Variants in SLC1A4 observed in about 807,000 individuals in gnomAD.
The protein encoded by SLC1A4 is solute carrier family 1 member 4.
Under a neutral mutation model 37.7 loss-of-function variants are expected in SLC1A4, and 19 were observed. The ratio of observed to expected loss-of-function variants is 0.50; its 90% CI spans 0.35 to 0.74. The LOEUF (loss-of-function observed/expected upper bound fraction) is 0.74. Among genes scored for constraint, SLC1A4 ranks in the 30% least tolerant of loss-of-function variants. The pLI is 0.01. For synonymous variants in SLC1A4, 299 were observed against 309.8 expected (o/e 0.97, Z 0.37); for missense variants, 570 against 712.9 (o/e 0.80, Z 2.28).
At chr2:64,998,029 T>G (rs564833880) in intron 1 of SLC1A4, among the ~76,000 whole-genome samples, 2 of 151,872 alleles carry the variant, frequency 1.3e-5, no homozygotes, top group Non-Finnish European at 2.9e-5. Context: ...GTCAGGAGAT[T>G]GAGATCATCC....
intron 1 of SLC1A4, among the ~76,000 whole-genome samples, chr2:64,991,297 T>C (rs1673040168): frequency 6.6e-6 from 1 of 151,598 alleles, no homozygotes; most frequent in Non-Finnish European, 1.5e-5. Context: ...AACAAAAATC[T>C]AGGACATCCG....
chr2:64,995,119 C>G (rs555762924), intron 1 of SLC1A4, among the ~76,000 whole-genome samples: 1 of 152,256 alleles, frequency 6.6e-6, no homozygotes, highest in African/African-American at 2.4e-5. Context: ...ATTTCTTTTA[C>G]CTCCCAGGAG....
chr2:64,988,655 G>A (rs7605525), upstream of SLC1A4: 23,144 of 152,306 alleles, frequency 0.15, 1,775 homozygotes, highest in East Asian at 0.22. Flanking sequence ...GAGCGCGTGC[G>A]AAGGCTCCCC....
chr2:65,013,658 G>A (rs565336250), intron 4 of SLC1A4, among the ~76,000 whole-genome samples: 1 of 152,324 alleles, frequency 6.6e-6, no homozygotes, highest in African/African-American at 2.4e-5. Context: ...CTGTTGCTCA[G>A]AAATGCATAT....
Position 65,016,556 on chromosome 2 carries a change from T to C in SLC1A4, c.917T>C (p.Val306Ala). ...KYIFASILGH[V>A]IHGGIVLPLI... Reference sequence around the variant, plus strand: ...ATCTTCGCATCTATATTGGGCCATGTTATTCATGGAGGAATTGTTCTGCCA... The same window carrying C: ...ATCTTCGCATCTATATTGGGCCATGCTATTCATGGAGGAATTGTTCTGCCA... The change falls in exon 5 of 8, where the codon GTT (valine) becomes GCT (alanine). Residue 306 changes from valine to alanine, a missense_variant. Val to Ala is a moderately conservative substitution (Grantham distance 64). Coordinates refer to ENST00000234256, the MANE Select transcript of SLC1A4 (RefSeq NM_003038.5). 2 of 1,614,038 alleles carry C rather than the reference T, an allele frequency of 1.2e-6. No homozygotes were observed. Among genetic ancestry groups the C allele is most frequent in the Non-Finnish European group, 1.7e-6 (2 of 1,179,870 alleles).
chr2:65,007,282 GTGTGTGTC>G (rs778034349), intron 3 of SLC1A4, among the ~76,000 whole-genome samples: 29 of 151,814 alleles, frequency 1.9e-4, no homozygotes, highest in Admixed American at 5.2e-4. Context: ...GTGTGTGTGT[GTGTGTGTC>G]TGTGGTGATG....
At chr2:65,009,264 T>C (rs1018828465) in intron 3 of SLC1A4, among the ~76,000 whole-genome samples, 1 of 151,886 alleles carries the variant, frequency 6.6e-6, no homozygotes, top group Non-Finnish European at 1.5e-5. Flanking sequence ...TCCCAGGTAC[T>C]TGGGAGGCTG....
In SLC1A4 at chr2:65,018,564, A is replaced by G; in HGVS notation, c.1249A>G (p.Ser417Gly). ...CCTTAGAGTGACTGCCACAGCGTCC[A>G]GTGTTGGAGCAGCAGGCGTGCCAGC... Reference protein sequence around the residue: ...FTILVTATASSVGAAGVPAGG... With the variant: ...FTILVTATASGVGAAGVPAGG... The change falls in exon 7 of 8, where the codon AGT becomes GGT. Residue 417 changes from serine (S) to glycine (G), a missense_variant. By Grantham distance (56) the Ser-to-Gly change is moderately conservative. Transcript: ENST00000234256. The surrounding 1 kb of genome is among the most constrained non-coding windows in gnomAD (Gnocchi z 4.3). 2 of 1,614,198 alleles carry G rather than the reference A, an allele frequency of 1.2e-6. No individual in the cohort carries two copies. The highest frequency in any genetic ancestry group is 1.7e-6 in the Non-Finnish European group (2 of 1,180,040).
chr2:65,004,054 A>G (rs1673581015), intron 3 of SLC1A4, 39 bp downstream of exon 3: 3 of 1,504,702 alleles, frequency 2.0e-6, no homozygotes, highest in Non-Finnish European at 2.8e-6. Context: ...AAATATGTCT[A>G]AAACAAATCT....
Position 65,016,522 on chromosome 2 carries a change from G to C in SLC1A4, c.883G>C (p.Gly295Arg). 1 of 1,614,202 alleles carries C rather than the reference G, an allele frequency of 6.2e-7. No individual in the cohort carries two copies. Among genetic ancestry groups the C allele is most frequent in the Admixed American group, 1.7e-5 (1 of 60,036 alleles). The part of the protein sequence containing the change: ...KDIIVLVTSL[G>R]KYIFASILGH... ...CATCATCGTGCTGGTGACCAGCCTG[G>C]GGAAATACATCTTCGCATCTATATT... Residue 295 changes from glycine (G) to arginine (R), a missense_variant, in exon 5 of 8, where the codon GGG becomes CGG. Coordinates refer to ENST00000234256, the MANE Select transcript of SLC1A4 (RefSeq NM_003038.5).
In SLC1A4 at chr2:64,989,515, G is replaced by A. The variant is rs1157393582; in HGVS notation, c.-129G>A. 1 of 796,362 alleles carries A rather than the reference G, an allele frequency of 1.3e-6. No homozygotes were observed. Among genetic ancestry groups the A allele is most frequent in the Non-Finnish European group, 1.8e-6 (1 of 570,030 alleles). The allele number at this position is 796,362 out of a possible 1,614,324, so 49.3% of individuals were successfully genotyped here. The stretch of plus-strand genomic sequence containing the variant: ...CGCACCTGCTCCTGCGCCAGGCCCG[G>A]AGACCCCCGGGGCGGCTTCCCAGAA... On this transcript the variant is annotated 5_prime_UTR_variant, in exon 1 of 8. Coordinates refer to ENST00000234256, the MANE Select transcript of SLC1A4 (RefSeq NM_003038.5).
At position 65,021,228 on chromosome 2, in the gene SLC1A4, G is replaced by C. The variant is rs1050975155; in HGVS notation, c.*82G>C. ...CCGCCAGTCATGGACACAGGGCACT[G>C]CCCTTGCCAACTTTTACCCTCCCAA... is the stretch of plus-strand genomic sequence containing the variant. On this transcript the variant is annotated 3_prime_UTR_variant, in exon 8 of 8. Transcript: ENST00000234256. 7 of 1,152,268 alleles carry C rather than the reference G, an allele frequency of 6.1e-6. No individual in the cohort carries two copies. In the African/African-American group the frequency reaches 9.2e-5, roughly 15 times the overall value. The allele number at this position is 1,152,268 out of a possible 1,614,324, so 71.4% of individuals were successfully genotyped here.
At chr2:64,996,512 T>C (rs1438150739) in intron 1 of SLC1A4, among the ~76,000 whole-genome samples, 2 of 152,194 alleles carry the variant, frequency 1.3e-5, no homozygotes. Context: ...AGGATGACCA[T>C]TTGGTCCTCC....
chr2:65,009,007 ATATC>A, intron 3 of SLC1A4, among the ~76,000 whole-genome samples: 1 of 152,308 alleles, frequency 6.6e-6, no homozygotes. Context: ...TCTATAAGTG[ATATC>A]TATCAACATA....
intron 2 of SLC1A4, among the ~76,000 whole-genome samples, chr2:65,003,450 C>G (rs1188224360): frequency 6.6e-6 from 1 of 152,194 alleles, no homozygotes; most frequent in Non-Finnish European, 1.5e-5. Flanking sequence ...ACATCCCTGG[C>G]TTTCAAGAGT....
intron 5 of SLC1A4, among the ~76,000 whole-genome samples, chr2:65,017,295 G>A (rs916775723): frequency 2.6e-5 from 4 of 151,710 alleles, no homozygotes; most frequent in Non-Finnish European, 4.4e-5. Context: ...CAATAGTGTG[G>A]GATTGTCTCA....
At chr2:65,006,633 G>A (rs567129570) in intron 3 of SLC1A4, among the ~76,000 whole-genome samples, 45 of 152,240 alleles carry the variant, frequency 3.0e-4, no homozygotes, top group Middle Eastern at 6.8e-3. Flanking sequence ...GGATATTGGT[G>A]ACAGAATGAA....
intron 1 of SLC1A4, among the ~76,000 whole-genome samples, chr2:64,992,767 T>C (rs1673107323): frequency 6.6e-6 from 1 of 152,128 alleles, no homozygotes; most frequent in African/African-American, 2.4e-5. Flanking sequence ...CAGAAATGCT[T>C]TCTCTGGGCC....
intron 1 of SLC1A4, chr2:65,000,406 A>G (rs551837469): frequency 1.3e-5 from 2 of 152,362 alleles, no homozygotes; most frequent in African/African-American, 4.8e-5. Flanking sequence ...TGTAATATAC[A>G]AAAGGAAAAT....
Sources: gnomAD v4.1 joint callset for allele counts (sites outside exome capture counted in the v4.1 genomes callset) on GRCh38, gnomAD v4.1.1 for gene constraint, Gnocchi (gnomAD v3.1) non-coding constraint, MANE v1.5 for transcripts, NCBI Gene and HGNC (gene_info 2026-07-23, HGNC 2026-07-21) for gene names.